Variants in NEO1 observed in about 807,000 individuals in gnomAD.
NEO1 encodes the protein neogenin.
NEO1 carries 63 observed loss-of-function variants against 159.7 expected under a neutral mutation model. That is an observed-to-expected ratio of 0.39 (90% CI 0.32 to 0.49). The LOEUF is 0.49. NEO1 is among the 20% of genes least tolerant of loss of function. NEO1 has a pLI of 0.85. For synonymous variants in NEO1, 633 were observed against 662.0 expected (o/e 0.96, Z 0.67); for missense variants, 1,615 against 1,831.0 (o/e 0.88, Z 2.15).
intron 25 of NEO1, among the ~76,000 whole-genome samples, chr15:73,290,690 C>A (rs964241690): frequency 6.6e-6 from 1 of 152,166 alleles, no homozygotes; most frequent in African/African-American, 2.4e-5. Flanking sequence ...TTTCAAACTA[C>A]TATGTCCTCT....
chr15:73,196,376 T>G (rs1205176479), intron 7 of NEO1, among the ~76,000 whole-genome samples: 1 of 152,230 alleles, frequency 6.6e-6, no homozygotes, highest in African/African-American at 2.4e-5. Context: ...CAAGGGCTGC[T>G]TATCAGAACC....
chr15:73,117,974 T>A (rs2071417935), intron 2 of NEO1, among the ~76,000 whole-genome samples: 1 of 152,020 alleles, frequency 6.6e-6, no homozygotes, highest in Admixed American at 6.6e-5. Flanking sequence ...ATAATCTATT[T>A]GCCAGGCTTT....
intron 1 of NEO1, among the ~76,000 whole-genome samples, chr15:73,065,702 G>A (rs780536040): frequency 2.0e-5 from 3 of 152,058 alleles, no homozygotes; most frequent in Admixed American, 6.6e-5. Flanking sequence ...TATTTATCCC[G>A]CTTATTGAGC....
At chr15:73,154,941 T>C (rs764797681) in intron 5 of NEO1, among the ~76,000 whole-genome samples, 26 of 152,220 alleles carry the variant, frequency 1.7e-4, no homozygotes, top group Admixed American at 1.3e-4. Flanking sequence ...TCTTTTGGCT[T>C]GATGGAATTC....
chr15:73,273,237 G>T (rs1009376731), intron 19 of NEO1, among the ~76,000 whole-genome samples: 58 of 152,152 alleles, frequency 3.8e-4, no homozygotes, highest in African/African-American at 1.4e-3. Context: ...GGCCCATGTA[G>T]GTGTGTGCTG....
intron 1 of NEO1, among the ~76,000 whole-genome samples, chr15:73,076,386 G>A (rs2151348976): frequency 6.6e-6 from 1 of 152,230 alleles, no homozygotes; most frequent in Admixed American, 6.5e-5. Context: ...GATCTGATTG[G>A]AGACTGAAGG....
chr15:73,246,955 T>A (rs1169240031), intron 9 of NEO1, among the ~76,000 whole-genome samples: 2 of 152,170 alleles, frequency 1.3e-5, no homozygotes, highest in Non-Finnish European at 1.5e-5. Flanking sequence ...TAAAGATGAG[T>A]AAGACTTGAC....
intron 26 of NEO1, among the ~76,000 whole-genome samples, chr15:73,297,300 T>A (rs2042412512): frequency 6.6e-6 from 1 of 152,212 alleles, no homozygotes; most frequent in Non-Finnish European, 1.5e-5. Context: ...GCAATTTGCT[T>A]AACCTCCCAG....
intron 1 of NEO1, among the ~76,000 whole-genome samples, chr15:73,059,551 C>T (rs181816504): frequency 6.6e-6 from 1 of 152,204 alleles, no homozygotes; most frequent in East Asian, 1.9e-4. Context: ...ATGAATTGGA[C>T]GTGCTTTCTG....
rs12324127 is a variant in NEO1, at chr15:73,200,760, G to A, written c.1291+22333G>A. On this transcript the variant is annotated intron_variant, in intron 7 of 28. Transcript: ENST00000261908. ...GTGCAGTGTCATGATCGGGGCTCAC[G>A]GCAGCCTCGACTTCCTGGGCTCAGG... Among the ~76,000 whole-genome samples the A allele has an allele frequency of 8.8e-3, 1,273 of 144,636 alleles. 23 individuals are homozygous for A. The highest frequency in any genetic ancestry group is 0.03 in the African/African-American group (1,197 of 39,364). The allele number at this position is 144,636 out of a possible 152,430, so 94.9% of individuals were successfully genotyped here. A position where few individuals can be genotyped will look rare whatever the true frequency, so the allele number is the denominator to read the frequency against.
chr15:73,183,794 C>G (rs890750480), intron 7 of NEO1, among the ~76,000 whole-genome samples: 2 of 152,110 alleles, frequency 1.3e-5, no homozygotes, highest in African/African-American at 4.8e-5. Context: ...CTCCTAAGCA[C>G]AGGACAATGG....
intron 1 of NEO1, among the ~76,000 whole-genome samples, chr15:73,085,718 G>T (rs1247537262): frequency 1.3e-5 from 2 of 152,174 alleles, no homozygotes; most frequent in Non-Finnish European, 2.9e-5. Context: ...TTTCCCTAAT[G>T]ACTGATGATG....
At chr15:73,054,867 G>A (rs1385300862) in intron 1 of NEO1, among the ~76,000 whole-genome samples, 1 of 152,216 alleles carries the variant, frequency 6.6e-6, no homozygotes, top group Non-Finnish European at 1.5e-5. Flanking sequence ...CAAATCAGAT[G>A]TCCTTTGTCA....
chr15:73,107,939 T>C (rs1024978865), intron 1 of NEO1, among the ~76,000 whole-genome samples: 2 of 152,148 alleles, frequency 1.3e-5, no homozygotes, highest in Non-Finnish European at 2.9e-5. Flanking sequence ...CCCAGCACTT[T>C]GGGAGGCTAA....
chr15:73,259,021 A>G, intron 14 of NEO1, 145 bp downstream of exon 14: 1 of 643,618 alleles, frequency 1.6e-6, no homozygotes, highest in Non-Finnish European at 2.7e-6. Flanking sequence ...CCTGTATTGC[A>G]TCGAGGCTGC....
At chr15:73,151,218 C>T (rs952262155) in intron 5 of NEO1, among the ~76,000 whole-genome samples, 5 of 152,112 alleles carry the variant, frequency 3.3e-5, no homozygotes, top group African/African-American at 9.7e-5. Context: ...GAATACTTTA[C>T]GATTGCATAT....
Position 73,290,357 on chromosome 15 carries a change from C to T in NEO1, c.3742+1119C>T, listed in dbSNP as rs533470013. ...CCGGGTTCAAGCAATTCTCCTGCCT[C>T]GGCCTCCCAAGCAGCTGGGATTACA... On this transcript the variant is annotated intron_variant, in intron 25 of 28. Transcript: ENST00000261908. 8.0e-5 allele frequency among the ~76,000 whole-genome samples: 12 copies of T among 150,396 alleles called. No homozygotes were observed. In the South Asian group the frequency reaches 8.4e-4, roughly 11 times the overall value.
chr15:73,291,925 A>C (rs188520716), intron 25 of NEO1, among the ~76,000 whole-genome samples: 35 of 152,290 alleles, frequency 2.3e-4, no homozygotes, highest in African/African-American at 8.4e-4. Flanking sequence ...GAATTCTGGA[A>C]AACACTGAGT....
At chr15:73,063,051 A>G (rs896605230) in intron 1 of NEO1, among the ~76,000 whole-genome samples, 1 of 152,214 alleles carries the variant, frequency 6.6e-6, no homozygotes, top group African/African-American at 2.4e-5. Flanking sequence ...TGAAGAAGAT[A>G]CCACTATTCA....
Sources: gnomAD v4.1 joint callset for allele counts (sites outside exome capture counted in the v4.1 genomes callset) on GRCh38, gnomAD v4.1.1 for gene constraint, MANE v1.5 for transcripts, NCBI Gene and HGNC (gene_info 2026-07-23, HGNC 2026-07-21) for gene names.